The following ZNF766 variants were observed in gnomAD, a reference collection of about 807,000 sequenced individuals.
ZNF766 encodes the protein zinc finger protein 766.
In ZNF766, 13 loss-of-function variants were observed where a neutral mutation model predicts 13.2. The ratio of observed to expected loss-of-function variants is 0.98; its 90% CI spans 0.64 to 1.56. The LOEUF is 1.56. Ranked by LOEUF, ZNF766 falls within the 40% of genes most tolerant of loss-of-function variation. The pLI is 0.00. For synonymous variants in ZNF766, 178 were observed against 187.6 expected (o/e 0.95, Z 0.42); for missense variants, 521 against 552.2 (o/e 0.94, Z 0.57).
rs1405908950 is a variant in ZNF766, at chr19:52,293,589, TAA to T, written c.*2392_*2393del. ...ATTTTGGGTAATAATACTTAGTACT[TAA>T]GTTATTCTCTCTACTCTTTGTTTTT... On this transcript the variant is annotated 3_prime_UTR_variant, in exon 4 of 4. Transcript: ENST00000439461. 3 of 151,682 alleles carry T rather than the reference TAA, an allele frequency of 2.0e-5. No homozygotes were observed. The highest frequency in any genetic ancestry group is 1.3e-4 in the Admixed American group (2 of 15,160). 9.4% of individuals were successfully genotyped at this position (151,682 alleles called of 1,614,324 possible). A position where few individuals can be genotyped will look rare whatever the true frequency, so the allele number is the denominator to read the frequency against.
chr19:52,282,112 G>A lies in ZNF766; in HGVS notation c.20G>A (p.Gly7Glu). ...GGTCAAATACATCTTTTATTTTAGG[G>A]ACACTTGACATTCAGGGACGTGGCC... MAQLRR[G>E]HLTFRDVAIE... Residue 7 changes from glycine (G) to glutamate (E), a missense_variant and splice_region_variant, in exon 2 of 4, where the codon GGA (glycine) becomes GAA (glutamate). By Grantham distance (98) the Gly-to-Glu change is moderately conservative. Coordinates refer to ENST00000439461, the MANE Select transcript of ZNF766 (RefSeq NM_001010851.3). 3 of 1,599,436 alleles carry A rather than the reference G, an allele frequency of 1.9e-6. No individual in the cohort carries two copies. Among genetic ancestry groups the A allele is most frequent in the Non-Finnish European group, 2.6e-6 (3 of 1,171,056 alleles).
Position 52,291,592 on chromosome 19 carries a change from A to G in ZNF766, c.*394A>G, listed in dbSNP as rs977581468. Reference sequence around the variant, plus strand: ...GCCAATATGGTGAAACACCATATCTACTATAAATACAAAAAAATTAGCCAG... The same window carrying G: ...GCCAATATGGTGAAACACCATATCTGCTATAAATACAAAAAAATTAGCCAG... On this transcript the variant is annotated 3_prime_UTR_variant, in exon 4 of 4. Transcript: ENST00000439461. The G allele has an allele frequency of 4.2e-5, 7 of 168,156 alleles. No homozygotes were observed. Among genetic ancestry groups the G allele is most frequent in the Non-Finnish European group, 7.7e-5 (6 of 78,030 alleles). 10.4% of individuals were successfully genotyped at this position (168,156 alleles called of 1,614,324 possible).
chr19:52,287,144 GTTTTC>G (rs1981871464), intron 3 of ZNF766, among the ~76,000 whole-genome samples: 1 of 151,338 alleles, frequency 6.6e-6, no homozygotes, highest in African/African-American at 2.4e-5. Context: ...CTGCTCTGCA[GTTTTC>G]TTTTTTTTTT....
In ZNF766 at chr19:52,292,337, G is replaced by A. The variant is rs113434726; in HGVS notation, c.*1139G>A. 3.2e-6 allele frequency: 2 copies of A among 618,438 alleles called. No individual in the cohort carries two copies. The highest frequency in any genetic ancestry group is 5.8e-6 in the Non-Finnish European group (2 of 346,846). The allele number at this position is 618,438 out of a possible 1,614,324, so 38.3% of individuals were successfully genotyped here. A position where few individuals can be genotyped will look rare whatever the true frequency, so the allele number is the denominator to read the frequency against. On this transcript the variant is annotated 3_prime_UTR_variant, in exon 4 of 4. Transcript: ENST00000439461. Reference sequence around the variant, plus strand: ...CGTGATGGCAGTCATCATGCTTATTGCAGTTAGCACACACTTTTCCTGACA... The same window carrying A: ...CGTGATGGCAGTCATCATGCTTATTACAGTTAGCACACACTTTTCCTGACA...
At chr19:52,277,652 C>A in intron 1 of ZNF766, 2 of 1,164,794 alleles carry the variant, frequency 1.7e-6, no homozygotes, top group Non-Finnish European at 1.2e-6. Context: ...GACAGGTTTG[C>A]TCACACTCAC....
At chr19:52,282,057 T>G in intron 1 of ZNF766, 54 bp from the exon 2 acceptor site, 1 of 1,568,816 alleles carries the variant, frequency 6.4e-7, no homozygotes, top group East Asian at 2.3e-5. Flanking sequence ...TCATTTCGTG[T>G]GAACATAATT....
In ZNF766 at chr19:52,293,046, A is replaced by G. The variant is rs1452912833; in HGVS notation, c.*1848A>G. On this transcript the variant is annotated 3_prime_UTR_variant, in exon 4 of 4. Transcript: ENST00000439461. ...TGTTCTCATTGATCAATTCCCACCTATGAGTGAGAACATGGGGTGTTTGGT... is the reference window on the plus strand; with the variant it reads ...TGTTCTCATTGATCAATTCCCACCTGTGAGTGAGAACATGGGGTGTTTGGT... The G allele has an allele frequency of 6.6e-6, 1 of 151,914 alleles. No homozygotes were observed. The allele number at this position is 151,914 out of a possible 1,614,324, so 9.4% of individuals were successfully genotyped here.
chr19:52,292,466 C>A lies in ZNF766; in HGVS notation c.*1268C>A, dbSNP rs553577992. On this transcript the variant is annotated 3_prime_UTR_variant, in exon 4 of 4. Transcript: ENST00000439461. ...AAGAGAGTTCATCAGGGACTGATTA[C>A]GTAGGAGAGACGATGCAGGGGAAAT... 16 of 367,612 alleles carry A rather than the reference C, an allele frequency of 4.4e-5. No individual in the cohort carries two copies. Among genetic ancestry groups the A allele is most frequent in the Non-Finnish European group, 6.8e-5 (14 of 205,408 alleles). The allele number at this position is 367,612 out of a possible 1,614,324, so 22.8% of individuals were successfully genotyped here. A position where few individuals can be genotyped will look rare whatever the true frequency, so the allele number is the denominator to read the frequency against.
rs1982214388 is a variant in ZNF766 at position 52,292,902 on chromosome 19, G to A, written c.*1704G>A. 2 of 152,026 alleles carry A rather than the reference G, an allele frequency of 1.3e-5. No individual in the cohort carries two copies. Among genetic ancestry groups the A allele is most frequent in the Non-Finnish European group, 1.5e-5 (1 of 68,032 alleles). The allele number at this position is 152,026 out of a possible 1,614,324, so 9.4% of individuals were successfully genotyped here. ...ACATAGGTATACATGTGCCATATTC[G>A]TTTGCTGCACCCATCAACTTGTCAT... On this transcript the variant is annotated 3_prime_UTR_variant, in exon 4 of 4. Coordinates refer to ENST00000439461, the MANE Select transcript of ZNF766 (RefSeq NM_001010851.3).
chr19:52,283,492 T>G (rs1269882881), intron 3 of ZNF766, 79 bp downstream of exon 3: 1 of 1,454,180 alleles, frequency 6.9e-7, no homozygotes, highest in South Asian at 1.4e-5. Context: ...CACACTGGAG[T>G]GCATTGGCCA....
intron 1 of ZNF766, among the ~76,000 whole-genome samples, chr19:52,274,085 T>C (rs2657923): frequency 0.34 from 50,965 of 151,844 alleles, 9,625 homozygotes; most frequent in African/African-American, 0.5. Flanking sequence ...CAATTTCTCA[T>C]CCTTCTGAGC....
At chr19:52,287,149 C>CTT (rs565661735) in intron 3 of ZNF766, among the ~76,000 whole-genome samples, 1 of 145,546 alleles carries the variant, frequency 6.9e-6, no homozygotes, top group Non-Finnish European at 1.5e-5. Context: ...CTGCAGTTTT[C>CTT]TTTTTTTTTT....
intron 3 of ZNF766, 147 bp downstream of exon 3, chr19:52,283,560 C>T: frequency 9.2e-7 from 1 of 1,090,164 alleles, no homozygotes. Context: ...GCTTTGGCCT[C>T]CCAAAGTGAT....
rs1349746327 is a variant in ZNF766 at position 52,291,841 on chromosome 19, A to G, written c.*643A>G. 3 of 311,058 alleles carry G rather than the reference A, an allele frequency of 9.6e-6. No homozygotes were observed. The highest frequency in any genetic ancestry group is 6.5e-5 in the African/African-American group (3 of 46,438). The allele number at this position is 311,058 out of a possible 1,614,324, so 19.3% of individuals were successfully genotyped here. Reference sequence around the variant, plus strand: ...TATAATCTCAGCACAATAGAAAGCCAAGACAGGAGGGTCACTTGATGCCTG... The same window carrying G: ...TATAATCTCAGCACAATAGAAAGCCGAGACAGGAGGGTCACTTGATGCCTG... On this transcript the variant is annotated 3_prime_UTR_variant, in exon 4 of 4. Transcript: ENST00000439461.
Position 52,294,969 on chromosome 19 carries a change from A to G in ZNF766, c.*3771A>G, listed in dbSNP as rs1357953181. On this transcript the variant is annotated 3_prime_UTR_variant, in exon 4 of 4. Coordinates refer to ENST00000439461, the MANE Select transcript of ZNF766 (RefSeq NM_001010851.3). Reference sequence around the variant, plus strand: ...GTATTATATAATATGATTAAAATATATTTGTTATAAATATGATATTACTAG... The same window carrying G: ...GTATTATATAATATGATTAAAATATGTTTGTTATAAATATGATATTACTAG... 2 of 150,994 alleles carry G rather than the reference A, an allele frequency of 1.3e-5. No individual in the cohort carries two copies. The highest frequency in any genetic ancestry group is 4.9e-5 in the African/African-American group (2 of 41,236). The allele number at this position is 150,994 out of a possible 1,614,324, so 9.4% of individuals were successfully genotyped here. A position where few individuals can be genotyped will look rare whatever the true frequency, so the allele number is the denominator to read the frequency against.
intron 1 of ZNF766, among the ~76,000 whole-genome samples, chr19:52,274,879 A>C (rs1248018386): frequency 6.6e-6 from 1 of 152,192 alleles, no homozygotes; most frequent in Non-Finnish European, 1.5e-5. Flanking sequence ...AGTACTCTCA[A>C]GGCAATTCAC....
chr19:52,288,260 A>T (rs529131294), intron 3 of ZNF766: 19 of 206,190 alleles, frequency 9.2e-5, no homozygotes, highest in Admixed American at 4.0e-4. Flanking sequence ...AGCTCAGGCA[A>T]TCCACCCGCC....
chr19:52,277,791 C>T lies in ZNF766; in HGVS notation c.19-4320C>T, dbSNP rs553930871. Among the ~76,000 whole-genome samples the T allele has an allele frequency of 3.3e-4, 50 of 151,956 alleles. 1 individual carries two copies. The highest frequency in any genetic ancestry group is 1.0e-3 in the Admixed American group (16 of 15,268). On this transcript the variant is annotated intron_variant, in intron 1 of 3. Transcript: ENST00000439461. ...GCTCACACCCAGACGTGGGTGGAGA[C>T]GGGGTGAGGGCCCCGTGGTGTCAGT...
At chr19:52,274,766 A>C (rs1197723401) in intron 1 of ZNF766, 1 of 152,300 alleles carries the variant, frequency 6.6e-6, no homozygotes, top group Non-Finnish European at 1.5e-5. Context: ...TGGAGGTTGC[A>C]GTGAGCCAAG....
Sources: gnomAD v4.1 joint callset for allele counts (sites outside exome capture counted in the v4.1 genomes callset) on GRCh38, gnomAD v4.1.1 for gene constraint, MANE v1.5 for transcripts, NCBI Gene and HGNC (gene_info 2026-07-23, HGNC 2026-07-21) for gene names.